The following STEAP1B variants were observed in gnomAD, a reference collection of about 807,000 sequenced individuals.
STEAP1B encodes the protein STEAP family protein MGC87042.
Under a neutral mutation model 27.9 loss-of-function variants are expected in STEAP1B, and 13 were observed. That is an observed-to-expected ratio of 0.47 (90% CI 0.30 to 0.74). The LOEUF (loss-of-function observed/expected upper bound fraction) is 0.74, where lower values mean the gene tolerates loss of function less well. STEAP1B is among the 30% of genes least tolerant of loss of function. The pLI is 0.06. For missense variants in STEAP1B, 250 were observed against 298.7 expected (o/e 0.84, Z 1.20); for synonymous variants, 86 against 107.1 (o/e 0.80, Z 1.22).
chr7:22,499,646 T>A (rs899713207), intron 1 of STEAP1B, among the ~76,000 whole-genome samples: 10 of 151,892 alleles, frequency 6.6e-5, no homozygotes, highest in African/African-American at 1.9e-4. Flanking sequence ...CCTGAAAGAG[T>A]AGGGCCAGTG....
At chr7:22,487,036 T>C (rs997929896) in intron 4 of STEAP1B, among the ~76,000 whole-genome samples, 1 of 152,174 alleles carries the variant, frequency 6.6e-6, no homozygotes, top group Admixed American at 6.5e-5. Flanking sequence ...TTCACATAGA[T>C]AGAGGAAGGA....
chr7:22,445,950 T>TA (rs1379279627), intron 4 of STEAP1B, among the ~76,000 whole-genome samples: 3 of 152,198 alleles, frequency 2.0e-5, no homozygotes, highest in Non-Finnish European at 2.9e-5. Flanking sequence ...GGAGAGTTTT[T>TA]AAAAAAATGA....
At chr7:22,465,302 T>C (rs530815885) in intron 4 of STEAP1B, among the ~76,000 whole-genome samples, 17 of 152,212 alleles carry the variant, frequency 1.1e-4, no homozygotes, top group African/African-American at 4.1e-4. Flanking sequence ...TTTCAGACCA[T>C]GGTCGACCTT....
chr7:22,462,289 GTTA>G (rs1367259083), intron 4 of STEAP1B, among the ~76,000 whole-genome samples: 5 of 149,782 alleles, frequency 3.3e-5, no homozygotes, highest in African/African-American at 1.2e-4. Context: ...GTGCAGGTTA[GTTA>G]CATATGTATA....
intron 1 of STEAP1B, among the ~76,000 whole-genome samples, chr7:22,497,451 C>G (rs1203072577): frequency 6.6e-6 from 1 of 152,118 alleles, no homozygotes; most frequent in African/African-American, 2.4e-5. Flanking sequence ...TTCAGTTAGA[C>G]AGTCAACACA....
intron 1 of STEAP1B, among the ~76,000 whole-genome samples, chr7:22,497,288 C>G (rs1786458582): frequency 6.6e-6 from 1 of 152,168 alleles, no homozygotes; most frequent in Non-Finnish European, 1.5e-5. Flanking sequence ...TATAAGCCTG[C>G]CATGCTTTTT....
rs1173507168 is a variant in STEAP1B at position 22,438,564 on chromosome 7, G to A, written c.763-18728C>T. 8 of 1,551,994 alleles carry A rather than the reference G, an allele frequency of 5.2e-6. No homozygotes were observed. In the East Asian group the frequency reaches 1.7e-4, roughly 33 times the overall value. On this transcript the variant is annotated intron_variant, in intron 4 of 4. Coordinates refer to ENST00000678116, the MANE Select transcript of STEAP1B (RefSeq NM_001382447.1). ...CTAGATGAAGCTGAAACATGTGAGA[G>A]CTAACATTTCCCTTTGAAGGGCTGG...
At chr7:22,437,090 G>C (rs1785264636) in intron 4 of STEAP1B, among the ~76,000 whole-genome samples, 1 of 152,192 alleles carries the variant, frequency 6.6e-6, no homozygotes, top group Non-Finnish European at 1.5e-5. Context: ...GAAAATTTTT[G>C]CAAACTGTAT....
chr7:22,497,697 T>G (rs1236538839), intron 1 of STEAP1B, among the ~76,000 whole-genome samples: 1 of 152,224 alleles, frequency 6.6e-6, no homozygotes, highest in Non-Finnish European at 1.5e-5. Context: ...TATTAGGCTG[T>G]TCTCGCACTG....
At chr7:22,445,843 A>G (rs1785401840) in intron 4 of STEAP1B, among the ~76,000 whole-genome samples, 1 of 152,258 alleles carries the variant, frequency 6.6e-6, no homozygotes, top group Non-Finnish European at 1.5e-5. Flanking sequence ...AAGCTCTTTT[A>G]TAGAATGCTT....
chr7:22,427,846 G>A (rs1446711053), intron 4 of STEAP1B, among the ~76,000 whole-genome samples: 1 of 152,218 alleles, frequency 6.6e-6, no homozygotes, highest in African/African-American at 2.4e-5. Flanking sequence ...ATGAGGAAAG[G>A]TACGAGTAGA....
chr7:22,490,735 C>T (rs6946843), intron 4 of STEAP1B, among the ~76,000 whole-genome samples: 51,246 of 152,004 alleles, frequency 0.34, 8,761 homozygotes, highest in Middle Eastern at 0.5. Flanking sequence ...AGAGTGTTCC[C>T]GTTCTTTCAT....
intron 4 of STEAP1B, among the ~76,000 whole-genome samples, chr7:22,436,206 TA>T (rs1252874109): frequency 6.8e-6 from 1 of 146,598 alleles, no homozygotes; most frequent in Admixed American, 6.7e-5. Context: ...CATACTTTTT[TA>T]AAAAAATCAA....
chr7:22,423,042 A>G (rs1398453621), intron 4 of STEAP1B, among the ~76,000 whole-genome samples: 1 of 152,236 alleles, frequency 6.6e-6, no homozygotes, highest in Non-Finnish European at 1.5e-5. Context: ...AGGGGAAATT[A>G]TTTTAAATCC....
chr7:22,438,661 T>C lies in STEAP1B; in HGVS notation c.763-18825A>G, dbSNP rs1391011708. The C allele has an allele frequency of 5.2e-6, 8 of 1,551,850 alleles. No homozygotes were observed. The Admixed American group carries it at 5.9e-5, about 11-fold the overall frequency. On this transcript the variant is annotated intron_variant, in intron 4 of 4. Coordinates refer to ENST00000678116, the MANE Select transcript of STEAP1B (RefSeq NM_001382447.1). ...TGGGAAATGGATTCCACACTGCTGC[T>C]CCTGCCAGAAATTTGGTGTGCCTAC...
chr7:22,493,204 A>T (rs1583356132), intron 3 of STEAP1B, 120 bp downstream of exon 3: 3 of 1,224,654 alleles, frequency 2.4e-6, no homozygotes, highest in East Asian at 5.1e-5. Context: ...TTTAAAATAG[A>T]TGACTTTTTC....
chr7:22,476,574 C>G (rs1041790749), intron 4 of STEAP1B, among the ~76,000 whole-genome samples: 2 of 152,196 alleles, frequency 1.3e-5, no homozygotes, highest in African/African-American at 4.8e-5. Context: ...ATGTTAGGGA[C>G]AGGGTTCAGA....
intron 4 of STEAP1B, among the ~76,000 whole-genome samples, chr7:22,454,362 G>C (rs538011523): frequency 6.6e-6 from 1 of 152,110 alleles, no homozygotes; most frequent in Non-Finnish European, 1.5e-5. Context: ...GAATAATAGA[G>C]AAGTCACTAT....
At chr7:22,438,477 T>G in intron 4 of STEAP1B, 1 of 1,545,942 alleles carries the variant, frequency 6.5e-7, no homozygotes, top group South Asian at 1.2e-5. Context: ...AGGTTCTCAC[T>G]TTCATGCATG....
Sources: allele counts gnomAD v4.1 joint callset (sites outside exome capture counted in the v4.1 genomes callset), GRCh38; gene constraint gnomAD v4.1.1; transcripts MANE v1.5; gene names NCBI Gene and HGNC (gene_info 2026-07-23, HGNC 2026-07-21).